The following GPHN variants were observed in gnomAD, a reference collection of about 807,000 sequenced individuals.
GPHN encodes gephyrin.
A neutral mutation model predicts 95.5 loss-of-function variants in GPHN; 17 were observed. That is an observed-to-expected ratio of 0.18 (90% confidence interval 0.12 to 0.27). The LOEUF (loss-of-function observed/expected upper bound fraction) is 0.27. GPHN is among the 10% of genes least tolerant of loss of function. GPHN has a pLI of 1.00. For synonymous variants in GPHN, 320 were observed against 322.5 expected, an observed-to-expected ratio of 0.99 and a Z score of 0.08; for missense variants, 660 against 978.1, an observed-to-expected ratio of 0.67 and a Z score of 4.34.
chr14:67,164,477 G>T (rs2082156666), intron 19 of GPHN, among the ~76,000 whole-genome samples: 2 of 151,996 alleles, frequency 1.3e-5, no homozygotes, highest in Non-Finnish European at 2.9e-5. Context: ...CTGTCTGATA[G>T]ACATATTATC....
At chr14:67,165,366 C>A in intron 20 of GPHN, 140 bp downstream of exon 20, 1 of 667,590 alleles carries the variant, frequency 1.5e-6, no homozygotes, top group Non-Finnish European at 2.7e-6. Context: ...ATCACTTAAC[C>A]TCTCTAGGAA....
chr14:67,644,059 G>A, the GPHN span, among the ~76,000 whole-genome samples: 1 of 151,884 alleles, frequency 6.6e-6, no homozygotes, highest in Admixed American at 6.6e-5. Context: ...GGGGACCACT[G>A]ATCAATGTGA....
chr14:67,623,637 G>C, the GPHN span, among the ~76,000 whole-genome samples: 7 of 147,674 alleles, frequency 4.7e-5, no homozygotes, highest in African/African-American at 1.8e-4. Flanking sequence ...CGCCTCCCGG[G>C]TTCAAGCAAT....
At chr14:67,219,357 C>T in the GPHN span, among the ~76,000 whole-genome samples, 1 of 152,206 alleles carries the variant, frequency 6.6e-6, no homozygotes, top group Non-Finnish European at 1.5e-5. Flanking sequence ...CCACACTACC[C>T]TCCTGGACTT....
chr14:67,075,583 G>T (rs950089978), intron 11 of GPHN, among the ~76,000 whole-genome samples: 1 of 152,114 alleles, frequency 6.6e-6, no homozygotes, highest in Non-Finnish European at 1.5e-5. Flanking sequence ...TTCTGGAAAG[G>T]ATTCACCATT....
chr14:67,555,823 A>G, the GPHN span: 1 of 1,613,316 alleles, frequency 6.2e-7, no homozygotes, highest in Non-Finnish European at 8.5e-7. Context: ...CTGGCCAAGC[A>G]GATGCAGGAG....
chr14:66,979,830 A>G (rs2070527160), intron 9 of GPHN, among the ~76,000 whole-genome samples: 1 of 152,190 alleles, frequency 6.6e-6, no homozygotes, highest in Non-Finnish European at 1.5e-5. Flanking sequence ...TTAAAGTGGT[A>G]GACATGCAAC....
At chr14:67,263,324 A>G in the GPHN span, among the ~76,000 whole-genome samples, 1 of 152,164 alleles carries the variant, frequency 6.6e-6, no homozygotes, top group African/African-American at 2.4e-5. Flanking sequence ...TGTAAAGGAA[A>G]ATGGTGAAGT....
chr14:67,015,696 G>A (rs183520541), intron 9 of GPHN, among the ~76,000 whole-genome samples: 4 of 151,902 alleles, frequency 2.6e-5, no homozygotes, highest in East Asian at 3.9e-4. Context: ...ACTCCATTTC[G>A]GGGAAAAAAA....
chr14:66,805,819 C>A (rs371869280), intron 3 of GPHN, among the ~76,000 whole-genome samples: 1 of 152,272 alleles, frequency 6.6e-6, no homozygotes, highest in East Asian at 1.9e-4. Flanking sequence ...GCTGCTTTCA[C>A]GGGCTGGCAT....
At chr14:67,096,674 G>T in intron 12 of GPHN, among the ~76,000 whole-genome samples, 1 of 144,928 alleles carries the variant, frequency 6.9e-6, no homozygotes, top group African/African-American at 2.6e-5. Flanking sequence ...GGAGTGTAGT[G>T]GTACAATCCC....
chr14:66,619,723 A>G (rs78856297), intron 1 of GPHN, among the ~76,000 whole-genome samples: 5,906 of 152,102 alleles, frequency 0.039, 171 homozygotes, highest in Middle Eastern at 0.065. Context: ...AAGCATTTTT[A>G]TATTTTACAT....
intron 3 of GPHN, among the ~76,000 whole-genome samples, chr14:66,809,296 C>T (rs2060669439): frequency 6.6e-6 from 1 of 152,108 alleles, no homozygotes; most frequent in African/African-American, 2.4e-5. Flanking sequence ...GTTAATAAAA[C>T]AGGCTCTGCT....
the GPHN span, among the ~76,000 whole-genome samples, chr14:67,458,082 G>A: frequency 2.0e-5 from 3 of 152,164 alleles, no homozygotes; most frequent in Non-Finnish European, 4.4e-5. Flanking sequence ...TTGTGACAGG[G>A]AGTGCTGCAG....
chr14:67,312,673 G>T, the GPHN span: 1 of 1,611,722 alleles, frequency 6.2e-7, no homozygotes, highest in Non-Finnish European at 8.5e-7. Context: ...ACAGGGAAGG[G>T]GACGAAGATA....
intron 11 of GPHN, chr14:67,059,013 G>GT: frequency 5.7e-5 from 23 of 403,806 alleles, no homozygotes; most frequent in Non-Finnish European, 7.7e-5. Flanking sequence ...ATTAAAAAAA[G>GT]GAAAAAAAAA....
intron 1 of GPHN, among the ~76,000 whole-genome samples, chr14:66,660,293 A>G (rs895865549): frequency 6.6e-6 from 1 of 152,214 alleles, no homozygotes; most frequent in African/African-American, 2.4e-5. Context: ...GTACATACAT[A>G]TAGACTCACA....
chr14:67,518,994 A>G, the GPHN span, among the ~76,000 whole-genome samples: 12 of 152,224 alleles, frequency 7.9e-5, no homozygotes, highest in African/African-American at 2.4e-4. Context: ...GTTGAAGCCA[A>G]TCTTGAATCT....
intron 1 of GPHN, among the ~76,000 whole-genome samples, chr14:66,554,984 A>G (rs1343009397): frequency 6.6e-6 from 1 of 152,192 alleles, no homozygotes. Flanking sequence ...GACAGTTGCC[A>G]TGAAGGAACC....
Sources: allele counts gnomAD v4.1 joint callset (sites outside exome capture counted in the v4.1 genomes callset), GRCh38; gene constraint gnomAD v4.1.1; transcripts MANE v1.5; gene names NCBI Gene and HGNC (gene_info 2026-07-23, HGNC 2026-07-21).